Variants in MMS22L observed in about 807,000 individuals in gnomAD.
The protein encoded by MMS22L is MMS22 like, DNA repair protein, also known as protein MMS22-like.
A neutral mutation model predicts 159.1 loss-of-function variants in MMS22L; 74 were observed. The observed-to-expected ratio is 0.47, with a 90% CI of 0.39 to 0.56. The LOEUF (loss-of-function observed/expected upper bound fraction) is 0.56, where lower values mean the gene tolerates loss of function less well. Among genes scored for constraint, MMS22L ranks in the 20% least tolerant of loss-of-function variants. The pLI is 0.00. For synonymous variants in MMS22L, 517 were observed against 506.9 expected, an observed-to-expected ratio of 1.02 and a Z score of -0.27; for missense variants, 1,351 against 1,422.1, an observed-to-expected ratio of 0.95 and a Z score of 0.80.
rs1035739967 is a variant in MMS22L at position 97,175,751 on chromosome 6, A to G, written c.2680-2529T>C. ...GAAGCTCTCAAGATCACGATGACAA[A>G]TACAAGTTTCTCAAAATTCTAATTT... On this transcript the variant is annotated intron_variant, in intron 18 of 24. Transcript: ENST00000683635. 5.3e-5 allele frequency among the ~76,000 whole-genome samples: 8 copies of G among 152,300 alleles called. No homozygotes were observed. The East Asian group carries it at 1.5e-3, about 29-fold the overall frequency.
intron 14 of MMS22L, among the ~76,000 whole-genome samples, chr6:97,226,689 C>T (rs1484337992): frequency 6.6e-6 from 1 of 151,728 alleles, no homozygotes; most frequent in Non-Finnish European, 1.5e-5. Flanking sequence ...TATAAAAATA[C>T]ATATATAGTG....
chr6:97,152,012 C>A, intron 22 of MMS22L, 145 bp from the exon 23 acceptor site: 3 of 567,084 alleles, frequency 5.3e-6, no homozygotes, highest in Non-Finnish European at 3.0e-6. Context: ...TGAAATAGTT[C>A]TAAGTTTTTG....
At chr6:97,187,216 T>C (rs1453994272) in intron 14 of MMS22L, among the ~76,000 whole-genome samples, 1 of 152,176 alleles carries the variant, frequency 6.6e-6, no homozygotes, top group Non-Finnish European at 1.5e-5. Context: ...AGATTCATAA[T>C]CATTCTCACT....
intron 11 of MMS22L, among the ~76,000 whole-genome samples, chr6:97,235,655 G>A (rs1454583789): frequency 6.6e-6 from 1 of 152,312 alleles, no homozygotes; most frequent in African/African-American, 2.4e-5. Context: ...CAATATGGAA[G>A]TCATTGACGG....
intron 14 of MMS22L, among the ~76,000 whole-genome samples, chr6:97,199,166 G>A (rs1323159108): frequency 2.0e-5 from 3 of 152,064 alleles, no homozygotes; most frequent in Admixed American, 6.6e-5. Flanking sequence ...GGGGGAGCGT[G>A]CATTGCTTCA....
chr6:97,264,456 A>T (rs925916460), intron 8 of MMS22L: 9 of 152,214 alleles, frequency 5.9e-5, no homozygotes, highest in Non-Finnish European at 1.2e-4. Flanking sequence ...TTAAATTAAT[A>T]ATGTATGCAA....
intron 15 of MMS22L, among the ~76,000 whole-genome samples, chr6:97,186,078 G>C (rs1805192813): frequency 6.6e-6 from 1 of 152,002 alleles, no homozygotes; most frequent in Non-Finnish European, 1.5e-5. Flanking sequence ...TATATATTCA[G>C]TGTCATTCTG....
intron 18 of MMS22L, among the ~76,000 whole-genome samples, chr6:97,177,705 T>C (rs1030185659): frequency 6.6e-6 from 1 of 152,148 alleles, no homozygotes; most frequent in Non-Finnish European, 1.5e-5. Flanking sequence ...ACATCTCTAA[T>C]TGTCATACAA....
chr6:97,151,359 G>A (rs762504159), intron 23 of MMS22L, among the ~76,000 whole-genome samples: 5 of 152,180 alleles, frequency 3.3e-5, no homozygotes, highest in Admixed American at 1.3e-4. Context: ...ATACTGATTT[G>A]CAGCCTAGGA....
At chr6:97,249,019 T>C (rs948466371) in intron 10 of MMS22L, among the ~76,000 whole-genome samples, 4 of 130,658 alleles carry the variant, frequency 3.1e-5, no homozygotes, top group East Asian at 2.3e-4. Flanking sequence ...CACACCCACA[T>C]AGTCTTAGCT....
chr6:97,165,208 A>AT (rs1802837270), intron 21 of MMS22L, 38 bp downstream of exon 21: 1 of 1,567,304 alleles, frequency 6.4e-7, no homozygotes, highest in African/African-American at 1.4e-5. Flanking sequence ...GAGCTTAATA[A>AT]TTTGTACATA....
At chr6:97,199,597 C>G (rs551579275) in intron 14 of MMS22L, among the ~76,000 whole-genome samples, 42 of 152,128 alleles carry the variant, frequency 2.8e-4, no homozygotes, top group African/African-American at 9.4e-4. Context: ...ACACTTCTCT[C>G]ACACTCAAAA....
upstream of MMS22L, among the ~76,000 whole-genome samples, chr6:97,283,906 A>G (rs1817003802): frequency 6.6e-6 from 1 of 152,240 alleles, no homozygotes; most frequent in South Asian, 2.1e-4. Context: ...GAAATACTCT[A>G]AATATTTGGA....
chr6:97,152,636 A>G (rs73488429), intron 22 of MMS22L, among the ~76,000 whole-genome samples: 204 of 152,270 alleles, frequency 1.3e-3, no homozygotes, highest in African/African-American at 4.8e-3. Flanking sequence ...AGCACAAAAT[A>G]TATGATGAAC....
intron 9 of MMS22L, chr6:97,261,214 T>C (rs1389131192): frequency 6.6e-6 from 1 of 152,232 alleles, no homozygotes; most frequent in Non-Finnish European, 1.5e-5. Flanking sequence ...GTTTTCTGTT[T>C]TTAAAACTGA....
chr6:97,269,890 C>T lies in MMS22L; in HGVS notation c.697+12G>A, dbSNP rs776587849. 1.6e-5 allele frequency: 25 copies of T among 1,584,264 alleles called. 1 individual carries two copies. The highest frequency in any genetic ancestry group is 2.1e-5 in the Non-Finnish European group (24 of 1,157,070). On this transcript the variant is annotated intron_variant, in intron 7 of 24. Coordinates refer to ENST00000683635, the MANE Select transcript of MMS22L (RefSeq NM_001350599.2). ...TTTAAAAAGAATATAAATCATAAATCCATAAACTTACTCAATTTTTCACCC... is the reference window on the plus strand; with the variant it reads ...TTTAAAAAGAATATAAATCATAAATTCATAAACTTACTCAATTTTTCACCC...
intron 11 of MMS22L, among the ~76,000 whole-genome samples, chr6:97,243,487 T>C (rs1812300696): frequency 1.3e-5 from 2 of 152,092 alleles, no homozygotes; most frequent in African/African-American, 2.4e-5. Context: ...TGCATATCTG[T>C]TATTATTTTT....
At chr6:97,236,105 A>C (rs2128011199) in intron 11 of MMS22L, among the ~76,000 whole-genome samples, 1 of 152,222 alleles carries the variant, frequency 6.6e-6, no homozygotes, top group East Asian at 1.9e-4. Context: ...AGCTGGGTGG[A>C]TCACCTGAGG....
intron 14 of MMS22L, among the ~76,000 whole-genome samples, chr6:97,194,935 A>G (rs143786619): frequency 1.2e-4 from 18 of 152,262 alleles, no homozygotes; most frequent in African/African-American, 4.1e-4. Context: ...GCAAACAGAC[A>G]AAGTCTCTGC....
Sources: gnomAD v4.1 joint callset for allele counts (sites outside exome capture counted in the v4.1 genomes callset) on GRCh38, gnomAD v4.1.1 for gene constraint, MANE v1.5 for transcripts, NCBI Gene and HGNC (gene_info 2026-07-23, HGNC 2026-07-21) for gene names.